PEX14: variants seen among roughly 807,000 people sequenced by gnomAD.
The protein encoded by PEX14 is peroxisomal membrane protein PEX14.
A neutral mutation model predicts 49.5 loss-of-function variants in PEX14; 15 were observed. The observed-to-expected ratio is 0.30, with a 90% CI of 0.20 to 0.47. The LOEUF is 0.47. Among genes scored for constraint, PEX14 ranks in the 20% least tolerant of loss-of-function variants. PEX14 has a pLI of 1.00. For missense variants in PEX14, 398 were observed against 494.8 expected (o/e 0.80, Z 1.86); for synonymous variants, 210 against 212.7 (o/e 0.99, Z 0.11).
chr1:10,565,196 C>T (rs1322246313), intron 3 of PEX14, among the ~76,000 whole-genome samples: 1 of 152,170 alleles, frequency 6.6e-6, no homozygotes, highest in African/African-American at 2.4e-5. Context: ...GCCACTGCGC[C>T]CAGCCTTTTT....
chr1:10,573,945 A>G (rs1328029760), intron 3 of PEX14, among the ~76,000 whole-genome samples: 3 of 152,220 alleles, frequency 2.0e-5, no homozygotes, highest in Non-Finnish European at 2.9e-5. Context: ...TACTAAAAGT[A>G]CAAAAATTAA....
At chr1:10,530,322 C>T (rs960988731) in intron 2 of PEX14, among the ~76,000 whole-genome samples, 4 of 152,224 alleles carry the variant, frequency 2.6e-5, no homozygotes, top group Non-Finnish European at 4.4e-5. Context: ...TAGTAATTAC[C>T]TAAAACCTCA....
intron 1 of PEX14, among the ~76,000 whole-genome samples, chr1:10,481,647 G>A (rs1641285710): frequency 2.0e-5 from 3 of 151,892 alleles, no homozygotes; most frequent in Admixed American, 1.3e-4. Context: ...GTGTCGCCCA[G>A]GCTGGTCTTG....
intron 4 of PEX14, among the ~76,000 whole-genome samples, chr1:10,606,356 A>G (rs1193745848): frequency 6.6e-6 from 1 of 152,100 alleles, no homozygotes; most frequent in African/African-American, 2.4e-5. Flanking sequence ...TTCTAAGGAC[A>G]CCTCTTGGAA....
chr1:10,493,633 G>C (rs1304982959), intron 1 of PEX14, among the ~76,000 whole-genome samples: 1 of 152,064 alleles, frequency 6.6e-6, no homozygotes, highest in Admixed American at 6.6e-5. Context: ...TTGCCATGTT[G>C]CCCAGGCTGG....
At chr1:10,525,841 A>G (rs1321290242) in intron 2 of PEX14, among the ~76,000 whole-genome samples, 2 of 150,700 alleles carry the variant, frequency 1.3e-5, no homozygotes. Flanking sequence ...GGCCAGGCTG[A>G]TCTCGAACTC....
At chr1:10,622,864 T>G (rs987748447) in intron 5 of PEX14, among the ~76,000 whole-genome samples, 155 bp from the exon 6 acceptor site, 5 of 152,254 alleles carry the variant, frequency 3.3e-5, no homozygotes, top group Non-Finnish European at 7.3e-5. Flanking sequence ...CGCAGTCTCA[T>G]AACTTTTTCA....
intron 4 of PEX14, among the ~76,000 whole-genome samples, chr1:10,607,625 C>A (rs2124616217): frequency 6.6e-6 from 1 of 152,220 alleles, no homozygotes; most frequent in Middle Eastern, 3.4e-3. Flanking sequence ...GTTTATATTT[C>A]TTTGATGACT....
chr1:10,520,812 A>G (rs1348624181), intron 2 of PEX14, among the ~76,000 whole-genome samples: 1 of 152,230 alleles, frequency 6.6e-6, no homozygotes. Context: ...TATCAGAGGT[A>G]CTTTTCTGTA....
At chr1:10,531,067 C>T (rs908430607) in intron 2 of PEX14, among the ~76,000 whole-genome samples, 14 of 151,772 alleles carry the variant, frequency 9.2e-5, no homozygotes, top group South Asian at 2.1e-4. Context: ...ACAGGGAGCC[C>T]GGCATTGTGA....
Position 10,618,341 on chromosome 1 carries a change from G to C in PEX14, c.308G>C (p.Gly103Ala). 2 of 1,613,802 alleles carry C rather than the reference G, an allele frequency of 1.2e-6. No individual in the cohort carries two copies. Among genetic ancestry groups the C allele is most frequent in the Non-Finnish European group, 1.7e-6 (2 of 1,179,948 alleles). ...HLISQPYSPAGSRWRDYGALA... is the reference protein window; with the variant it reads ...HLISQPYSPAASRWRDYGALA... ...CTCTTCCCGCCTGTAGGTCCCGCAG[G>C]CTCCCGATGGCGAGATTACGGCGCC... The change falls in exon 5 of 9, where the codon GGC (glycine) becomes GCC (alanine). Residue 103 changes from glycine to alanine, a missense_variant. This residue lies in a region of PEX14 where 202 missense variants were observed against 298.5 expected (regional missense o/e 0.68). Transcript: ENST00000356607.
Position 10,630,127 on chromosome 1 carries a change from CTGGTG to C in PEX14, c.*141_*145del. On this transcript the variant is annotated 3_prime_UTR_variant, in exon 9 of 9. Coordinates refer to ENST00000356607, the MANE Select transcript of PEX14 (RefSeq NM_004565.3). The surrounding 1 kb of genome is among the most constrained non-coding windows in gnomAD (Gnocchi z 4.1). ...GAGCTGTCCTCAGCTGCACTGCGGC[CTGGTG>C]GCAGTGTGGGGAGTCACACTTCTGT... The C allele has an allele frequency of 2.2e-6, 3 of 1,345,370 alleles. No homozygotes were observed. The highest frequency in any genetic ancestry group is 3.0e-6 in the Non-Finnish European group (3 of 998,540). 83.3% of individuals were successfully genotyped at this position (1,345,370 alleles called of 1,614,324 possible). A position where few individuals can be genotyped will look rare whatever the true frequency, so the allele number is the denominator to read the frequency against.
In PEX14 at chr1:10,610,963, C is replaced by T. The variant is rs1641263284; in HGVS notation, c.299-7369C>T. On this transcript the variant is annotated intron_variant, in intron 4 of 8. Transcript: ENST00000356607. ...CCACAATTCTTTAAAAATTTAATAA[C>T]CAGGCTGGGTGCGGTTGCTCACGCC... Among the ~76,000 whole-genome samples the T allele has an allele frequency of 2.0e-5, 3 of 152,050 alleles. No individual in the cohort carries two copies. The South Asian group carries it at 6.2e-4, about 32-fold the overall frequency.
rs558255505 is a variant in PEX14, at chr1:10,480,337, A to C, written c.36+5335A>C. Among the ~76,000 whole-genome samples the C allele has an allele frequency of 2.7e-5, 4 of 148,410 alleles. No homozygotes were observed. In the South Asian group the frequency reaches 8.5e-4, roughly 32 times the overall value. On this transcript the variant is annotated intron_variant, in intron 1 of 8. Coordinates refer to ENST00000356607, the MANE Select transcript of PEX14 (RefSeq NM_004565.3). ...GCGGTTCTCCTGCTTCACCTGCCTC[A>C]GCCTCCTGAGTAGCTGAGACTACAG...
chr1:10,524,480 A>G (rs1570204645), intron 2 of PEX14: 2 of 883,188 alleles, frequency 2.3e-6, no homozygotes, highest in African/African-American at 1.8e-5. Flanking sequence ...TGATTTGCTT[A>G]ATGGTGAGAA....
intron 2 of PEX14, among the ~76,000 whole-genome samples, chr1:10,513,640 T>C (rs1026491135): frequency 6.6e-6 from 1 of 152,186 alleles, no homozygotes; most frequent in African/African-American, 2.4e-5. Context: ...CATTTAGTGC[T>C]CATGGCCTGC....
chr1:10,557,072 T>C (rs1405030042), intron 3 of PEX14, among the ~76,000 whole-genome samples: 3 of 152,170 alleles, frequency 2.0e-5, no homozygotes, highest in East Asian at 1.9e-4. Flanking sequence ...CTTTTTTTTT[T>C]CCCTGCTTGA....
intron 3 of PEX14, among the ~76,000 whole-genome samples, chr1:10,558,071 C>T (rs927567957): frequency 2.6e-5 from 4 of 152,058 alleles, no homozygotes; most frequent in African/African-American, 7.3e-5. Context: ...CATTGCTGTA[C>T]TTGTCTGTTG....
At chr1:10,627,010 G>A (rs949987366) in intron 7 of PEX14, among the ~76,000 whole-genome samples, 1 of 152,170 alleles carries the variant, frequency 6.6e-6, no homozygotes, top group Non-Finnish European at 1.5e-5. Flanking sequence ...TCTAAAAGAC[G>A]CCCACGATAC....
Sources: allele counts gnomAD v4.1 joint callset (sites outside exome capture counted in the v4.1 genomes callset), GRCh38; gene constraint gnomAD v4.1.1; regional missense constraint gnomAD v4.1.1; non-coding constraint Gnocchi (gnomAD v3.1); transcripts MANE v1.5; gene names NCBI Gene and HGNC (gene_info 2026-07-23, HGNC 2026-07-21).